POU6F2: variants seen among roughly 807,000 people sequenced by gnomAD.
The protein encoded by POU6F2 is POU domain, class 6, transcription factor 2.
In POU6F2, 31 loss-of-function variants were observed where a neutral mutation model predicts 71.3. That is an observed-to-expected ratio of 0.43 (90% CI 0.33 to 0.59). The LOEUF (loss-of-function observed/expected upper bound fraction) is 0.59. Ranked by LOEUF, POU6F2 falls within the 20% of genes least tolerant of loss-of-function variation. The pLI, the probability that POU6F2 is intolerant of heterozygous loss-of-function variation, is 0.04. For missense variants in POU6F2, 783 were observed against 856.8 expected (o/e 0.91, Z 1.07); for synonymous variants, 347 against 355.7 (o/e 0.98, Z 0.27).
intron 1 of POU6F2, among the ~76,000 whole-genome samples, chr7:39,078,138 A>G (rs959040854): frequency 1.3e-5 from 2 of 152,230 alleles, no homozygotes; most frequent in Non-Finnish European, 2.9e-5. Flanking sequence ...AAGAGCTGCC[A>G]CACATTCAGA....
chr7:39,386,177 A>C (rs1229408817), intron 5 of POU6F2, among the ~76,000 whole-genome samples: 3 of 151,736 alleles, frequency 2.0e-5, no homozygotes, highest in Non-Finnish European at 4.4e-5. Context: ...CTGGCTCCAA[A>C]GCTTCCCCGT....
intron 6 of POU6F2, among the ~76,000 whole-genome samples, chr7:39,408,974 A>T (rs1381564586): frequency 1.2e-4 from 18 of 152,186 alleles, no homozygotes; most frequent in Admixed American, 1.2e-3. Context: ...ACACCAAAAG[A>T]GATAGGCAAA....
chr7:39,320,458 T>C (rs1468019831), intron 4 of POU6F2, among the ~76,000 whole-genome samples: 1 of 152,234 alleles, frequency 6.6e-6, no homozygotes, highest in South Asian at 2.1e-4. Context: ...CATCTCTCGG[T>C]AAAGGGTACA....
intron 2 of POU6F2, among the ~76,000 whole-genome samples, chr7:39,191,901 G>A (rs940557505): frequency 6.6e-6 from 1 of 152,084 alleles, no homozygotes; most frequent in Admixed American, 6.5e-5. Context: ...TTGGCTGGTT[G>A]GTTTTTTATA....
At chr7:39,220,881 A>C (rs1207289341) in intron 4 of POU6F2, among the ~76,000 whole-genome samples, 1 of 152,100 alleles carries the variant, frequency 6.6e-6, no homozygotes, top group Admixed American at 6.6e-5. Flanking sequence ...CATGAGCCAC[A>C]CATGGCTATT....
chr7:39,200,732 GGGCATTGT>G (rs1478514850), intron 2 of POU6F2, among the ~76,000 whole-genome samples: 5 of 152,164 alleles, frequency 3.3e-5, no homozygotes, highest in Non-Finnish European at 7.4e-5. Flanking sequence ...AATTTAGGCT[GGGCATTGT>G]GGCTCATGCC....
At chr7:39,008,357 C>T (rs1789148580) in intron 1 of POU6F2, among the ~76,000 whole-genome samples, 1 of 152,112 alleles carries the variant, frequency 6.6e-6, no homozygotes, top group South Asian at 2.1e-4. Context: ...GTCCTTCGCC[C>T]ACTTTTTGAT....
chr7:39,359,554 T>C (rs1426146376), intron 5 of POU6F2, among the ~76,000 whole-genome samples: 1 of 152,172 alleles, frequency 6.6e-6, no homozygotes, highest in Non-Finnish European at 1.5e-5. Context: ...TTGGAGGCTT[T>C]AATTAATTAA....
intron 4 of POU6F2, among the ~76,000 whole-genome samples, chr7:39,297,761 AAGGCTAC>A (rs1312583856): frequency 2.6e-5 from 4 of 152,212 alleles, no homozygotes; most frequent in African/African-American, 7.2e-5. Flanking sequence ...ACTATATTAC[AAGGCTAC>A]AGTAACCAAA....
chr7:39,236,847 A>C (rs1794684910), intron 4 of POU6F2, among the ~76,000 whole-genome samples: 1 of 152,234 alleles, frequency 6.6e-6, no homozygotes, highest in South Asian at 2.1e-4. Flanking sequence ...AATTAATCGT[A>C]GTTTATACTA....
chr7:39,231,848 G>A (rs1301171120), intron 4 of POU6F2, among the ~76,000 whole-genome samples: 6 of 152,184 alleles, frequency 3.9e-5, no homozygotes, highest in African/African-American at 1.2e-4. Context: ...TCTACTAAAA[G>A]TTGGGGTTGT....
chr7:39,015,028 A>G (rs746547119), intron 1 of POU6F2, among the ~76,000 whole-genome samples: 9 of 152,106 alleles, frequency 5.9e-5, no homozygotes, highest in African/African-American at 9.6e-5. Context: ...CATTCAGATG[A>G]CCACTGAGAA....
chr7:39,365,482 T>G (rs1377646164), intron 5 of POU6F2, among the ~76,000 whole-genome samples: 1 of 152,188 alleles, frequency 6.6e-6, no homozygotes, highest in African/African-American at 2.4e-5. Flanking sequence ...GGCAAGGATT[T>G]CATGACCAAG....
chr7:39,373,565 C>G, intron 5 of POU6F2: 3 of 456,418 alleles, frequency 6.6e-6, no homozygotes, highest in Non-Finnish European at 1.3e-5. Flanking sequence ...CAGAACCAAG[C>G]ACACAGAAAG....
chr7:39,418,977 A>ATATATATGTG (rs1246685680), intron 6 of POU6F2, among the ~76,000 whole-genome samples: 79 of 139,572 alleles, frequency 5.7e-4, no homozygotes, highest in Non-Finnish European at 8.9e-4. Flanking sequence ...GTATATATGT[A>ATATATATGTG]TATATATGTG....
At chr7:38,995,089 A>G (rs536632119) in intron 1 of POU6F2, among the ~76,000 whole-genome samples, 8 of 152,300 alleles carry the variant, frequency 5.3e-5, no homozygotes, top group East Asian at 3.9e-4. Flanking sequence ...TTGAAACCCA[A>G]TGCTTAATTT....
At position 39,071,075 on chromosome 7, in the gene POU6F2, G is replaced by A. The variant is rs556204384; in HGVS notation, c.106-14785G>A. On this transcript the variant is annotated intron_variant, in intron 1 of 9. Transcript: ENST00000518318. ...ACATATATTGTGCATTTTATTTCTT[G>A]TATTATTATTACATTGTAATATATA... Among the ~76,000 whole-genome samples, 4 of 152,162 alleles carry A rather than the reference G, an allele frequency of 2.6e-5. No homozygotes were observed. The South Asian group carries it at 8.3e-4, about 32-fold the overall frequency.
At chr7:39,335,844 C>G (rs1239327423) in intron 4 of POU6F2, among the ~76,000 whole-genome samples, 1 of 152,196 alleles carries the variant, frequency 6.6e-6, no homozygotes, top group African/African-American at 2.4e-5. Flanking sequence ...CTTGTGTGCA[C>G]CTGAAAATGA....
At chr7:39,376,919 T>G (rs1786721260) in intron 5 of POU6F2, among the ~76,000 whole-genome samples, 1 of 147,192 alleles carries the variant, frequency 6.8e-6, no homozygotes, top group African/African-American at 2.5e-5. Context: ...CTTATATATT[T>G]AATATTTATT....
Sources: allele counts gnomAD v4.1 joint callset (sites outside exome capture counted in the v4.1 genomes callset), GRCh38; gene constraint gnomAD v4.1.1; transcripts MANE v1.5; gene names NCBI Gene and HGNC (gene_info 2026-07-23, HGNC 2026-07-21).